The following GATA3 variants were observed in gnomAD, a reference collection of about 807,000 sequenced individuals.
GATA3 encodes the protein trans-acting T-cell-specific transcription factor GATA-3.
In GATA3, 6 loss-of-function variants were observed where a neutral mutation model predicts 36.0. That is an observed-to-expected ratio of 0.17 (90% CI 0.09 to 0.33). The LOEUF (loss-of-function observed/expected upper bound fraction) is 0.33, where lower values mean the gene tolerates loss of function less well. Ranked by LOEUF, GATA3 falls within the 10% of genes least tolerant of loss-of-function variation. The pLI is 1.00. For missense variants in GATA3, 514 were observed against 610.1 expected (o/e 0.84, Z 1.66); for synonymous variants, 326 against 273.0 (o/e 1.19, Z -1.92).
chr10:8,059,901 G>A (rs1832719363), intron 3 of GATA3, among the ~76,000 whole-genome samples: 1 of 152,190 alleles, frequency 6.6e-6, no homozygotes, highest in South Asian at 2.1e-4. Flanking sequence ...ATTTCAGAGT[G>A]GGCATCTCTT....
At chr10:8,072,645 G>C (rs958474634) in intron 5 of GATA3, among the ~76,000 whole-genome samples, 2 of 152,088 alleles carry the variant, frequency 1.3e-5, no homozygotes, top group Non-Finnish European at 2.9e-5. Context: ...TTGAGAGTAG[G>C]GTCTGGTCTC....
chr10:8,058,876 TCCCTCCTC>T (rs1180152191), intron 3 of GATA3, 35 bp downstream of exon 3: 1 of 1,588,638 alleles, frequency 6.3e-7, no homozygotes, highest in South Asian at 1.1e-5. Flanking sequence ...CCTTTTCTCC[TCCCTCCTC>T]CCCTTTTCCT....
chr10:8,061,461 G>A (rs1056052514), intron 3 of GATA3, among the ~76,000 whole-genome samples: 3 of 152,172 alleles, frequency 2.0e-5, no homozygotes, highest in Non-Finnish European at 2.9e-5. Flanking sequence ...CCGCTCTGTG[G>A]TTCTTGTCAC....
Position 8,064,308 on chromosome 10 carries a change from C to CTTTT in GATA3, c.924+172_924+173insTTTT, listed in dbSNP as rs1315616378. Among the ~76,000 whole-genome samples, 70 of 114,118 alleles carry CTTTT rather than the reference C, an allele frequency of 6.1e-4. No individual in the cohort carries two copies. In the South Asian group the frequency reaches 6.4e-3, roughly 11 times the overall value. The allele number at this position is 114,118 out of a possible 152,430, so 74.9% of individuals were successfully genotyped here. A position where few individuals can be genotyped will look rare whatever the true frequency, so the allele number is the denominator to read the frequency against. On this transcript the variant is annotated intron_variant, in intron 4 of 5. Coordinates refer to ENST00000379328, the MANE Select transcript of GATA3 (RefSeq NM_001002295.2). ...CTTTTTCTTTCTTTCTTTTCTTCTT[C>CTTTT]TTCTTTTTTTTTTTTTTTTTCAAAT...
intron 4 of GATA3, 121 bp from the exon 5 acceptor site, chr10:8,069,352 G>A: frequency 9.4e-7 from 1 of 1,068,784 alleles, no homozygotes; most frequent in South Asian, 1.3e-5. Context: ...CCACTTGCTA[G>A]TTTTGATTTC....
rs982560776 is a variant in GATA3, at chr10:8,058,186, C to T, written c.242-119C>T. On this transcript the variant is annotated intron_variant, in intron 2 of 5. Coordinates refer to ENST00000379328, the MANE Select transcript of GATA3 (RefSeq NM_001002295.2). ...CAGGATGAGAGAGTGGGCCTGAGCC[C>T]GGGCTTTTGCTGAAAAGGAGGCCGA... 204 of 1,134,778 alleles carry T rather than the reference C, an allele frequency of 1.8e-4. 1 individual carries two copies. Among genetic ancestry groups the T allele is most frequent in the Middle Eastern group, 2.8e-4 (1 of 3,524 alleles). 70.3% of individuals were successfully genotyped at this position (1,134,778 alleles called of 1,614,324 possible).
In GATA3 at chr10:8,054,788, AAGAG is replaced by A. The variant is rs1164853508; in HGVS notation, c.-465_-462del. On this transcript the variant is annotated 5_prime_UTR_variant, in exon 1 of 6. Coordinates refer to ENST00000379328, the MANE Select transcript of GATA3 (RefSeq NM_001002295.2). The surrounding 1 kb of genome is among the most constrained non-coding windows in gnomAD (Gnocchi z 4.2). ...TGAGAGAGGGAGAGAGAGAGAGAAG[AAGAG>A]AGAGAGACGGAGGGAGAGCGAGACA... The A allele has an allele frequency of 2.0e-5, 3 of 150,554 alleles. No individual in the cohort carries two copies. Among genetic ancestry groups the A allele is most frequent in the Non-Finnish European group, 4.4e-5 (3 of 67,700 alleles). The allele number at this position is 150,554 out of a possible 1,614,324, so 9.3% of individuals were successfully genotyped here.
chr10:8,045,946 G>A (rs1832381894), intron 1 of GATA3, among the ~76,000 whole-genome samples: 2 of 152,210 alleles, frequency 1.3e-5, no homozygotes, highest in Non-Finnish European at 2.9e-5. Flanking sequence ...TTAAAGGTGT[G>A]TGTTGAGGCT....
In GATA3 at chr10:8,058,467, C is replaced by T. The variant is rs770601456; in HGVS notation, c.404C>T (p.Pro135Leu). 2.5e-6 allele frequency: 4 copies of T among 1,612,682 alleles called. No homozygotes were observed. The highest frequency in any genetic ancestry group is 1.7e-5 in the Admixed American group (1 of 60,014). The change falls in exon 3 of 6, where the codon CCG becomes CTG. Residue 135 changes from proline to leucine, a missense_variant. By Grantham distance (98) the Pro-to-Leu change is moderately conservative (BLOSUM62 -3). Coordinates refer to ENST00000379328, the MANE Select transcript of GATA3 (RefSeq NM_001002295.2). ...CCGGGGCCCCTCTCCGTCTACCCCC[C>T]GGCCTCGTCCTCCTCCTTGTCGGGG... ...GSPGPLSVYP[P>L]ASSSSLSGGH...
At chr10:8,067,765 C>T (rs1832869242) in intron 4 of GATA3, among the ~76,000 whole-genome samples, 1 of 152,188 alleles carries the variant, frequency 6.6e-6, no homozygotes, top group African/African-American at 2.4e-5. Flanking sequence ...TTGCAGTGAG[C>T]CGAGATCGCG....
At chr10:8,065,689 C>CCAG (rs1412951481) in intron 4 of GATA3, among the ~76,000 whole-genome samples, 42 of 149,062 alleles carry the variant, frequency 2.8e-4, no homozygotes, top group African/African-American at 9.9e-4. Flanking sequence ...CACCTCTCCT[C>CCAG]CAGCAGTTTG....
At position 8,074,011 on chromosome 10, in the gene GATA3, C is replaced by T. The variant is rs764265221; in HGVS notation, c.1323C>T (p.Thr441=). The T allele has an allele frequency of 1.2e-5, 20 of 1,614,066 alleles. No homozygotes were observed. The highest frequency in any genetic ancestry group is 9.9e-5 in the South Asian group (9 of 91,082). Residue 441 remains threonine, a synonymous_variant, in exon 6 of 6, where the codon ACC becomes ACT. Transcript: ENST00000379328. ...CACACCACCCCTCCAGCATGGTCAC[C>T]GCCATGGGTTAGAGCCCTGCTCGAT... ...FGPHHPSSMV[T]AMG is the part of the protein sequence containing the mutation.
intron 4 of GATA3, among the ~76,000 whole-genome samples, chr10:8,065,700 GTTTT>G (rs748515966): frequency 5.3e-4 from 33 of 62,290 alleles, no homozygotes; most frequent in African/African-American, 1.8e-3. Flanking sequence ...CAGCAGTTTG[GTTTT>G]TTTTTTTTTT....
chr10:8,074,038 C>T lies in GATA3; in HGVS notation c.*15C>T, dbSNP rs1430500279. 3.1e-6 allele frequency: 5 copies of T among 1,613,320 alleles called. No individual in the cohort carries two copies. Among genetic ancestry groups the T allele is most frequent in the South Asian group, 1.1e-5 (1 of 91,080 alleles). On this transcript the variant is annotated 3_prime_UTR_variant, in exon 6 of 6. Transcript: ENST00000379328. The stretch of plus-strand genomic sequence containing the variant: ...CCATGGGTTAGAGCCCTGCTCGATG[C>T]TCACAGGGCCCCCAGCGAGAGTCCC...
At chr10:8,062,390 A>G (rs1832764801) in intron 3 of GATA3, among the ~76,000 whole-genome samples, 1 of 150,126 alleles carries the variant, frequency 6.7e-6, no homozygotes, top group African/African-American at 2.5e-5. Flanking sequence ...AAAACAAAGT[A>G]GACAAAAACT....
Position 8,058,290 on chromosome 10 carries a change from C to G in GATA3, c.242-15C>G. 1 of 1,613,496 alleles carries G rather than the reference C, an allele frequency of 6.2e-7. No homozygotes were observed. Among genetic ancestry groups the G allele is most frequent in the Non-Finnish European group, 8.5e-7 (1 of 1,179,958 alleles). On this transcript the variant is annotated splice_polypyrimidine_tract_variant and intron_variant, in intron 2 of 5. Transcript: ENST00000379328. ...CCCTCCTTCTCTCTCCTGCCCTTTC[C>G]CCGTTGCCCCACAGGGAGCCAGGTG...
At chr10:8,072,425 A>G (rs3802597) in intron 5 of GATA3, among the ~76,000 whole-genome samples, 68,140 of 152,070 alleles carry the variant, frequency 0.45, 18,006 homozygotes, top group South Asian at 0.6. Flanking sequence ...CCCTGGGAAC[A>G]TGGCCAGATG....
In GATA3 at chr10:8,074,862, T is replaced by A; in HGVS notation, c.*839T>A. 4.3e-6 allele frequency: 1 copy of A among 233,786 alleles called. No individual in the cohort carries two copies. Among genetic ancestry groups the A allele is most frequent in the East Asian group, 6.0e-5 (1 of 16,596 alleles). The allele number at this position is 233,786 out of a possible 1,614,324, so 14.5% of individuals were successfully genotyped here. A position where few individuals can be genotyped will look rare whatever the true frequency, so the allele number is the denominator to read the frequency against. ...ATTTTCCTTCTCTCTCAATTTTTGG[T>A]TGAATAAACTAGATTACATTCAGTT... On this transcript the variant is annotated 3_prime_UTR_variant, in exon 6 of 6. Coordinates refer to ENST00000379328, the MANE Select transcript of GATA3 (RefSeq NM_001002295.2).
chr10:8,050,022 G>A (rs969269031), upstream of GATA3, among the ~76,000 whole-genome samples: 10 of 152,292 alleles, frequency 6.6e-5, no homozygotes, highest in Admixed American at 1.3e-4. Context: ...TAGAGAGGCC[G>A]GCCCTGGCCT....
Sources: gnomAD v4.1 joint callset for allele counts (sites outside exome capture counted in the v4.1 genomes callset) on GRCh38, gnomAD v4.1.1 for gene constraint, Gnocchi (gnomAD v3.1) non-coding constraint, MANE v1.5 for transcripts, NCBI Gene and HGNC (gene_info 2026-07-23, HGNC 2026-07-21) for gene names.